IGSF21: variants seen among roughly 807,000 people sequenced by gnomAD.
The protein encoded by IGSF21 is immunoglobulin superfamily member 21.
A neutral mutation model predicts 46.8 loss-of-function variants in IGSF21; 28 were observed. The ratio of observed to expected loss-of-function variants is 0.60; its 90% CI spans 0.44 to 0.82. IGSF21 has a LOEUF of 0.82. Ranked by LOEUF, IGSF21 falls within the 40% of genes least tolerant of loss-of-function variation. The probability of loss-of-function intolerance (pLI) is 0.00; values close to 1 mark genes in which losing one functional copy is unlikely to be tolerated. For synonymous variants in IGSF21, 284 were observed against 273.6 expected, an observed-to-expected ratio of 1.04 and a Z score of -0.38; for missense variants, 624 against 665.5, an observed-to-expected ratio of 0.94 and a Z score of 0.69.
At chr1:18,183,570 A>C (rs2086876261) in intron 1 of IGSF21, among the ~76,000 whole-genome samples, 1 of 152,220 alleles carries the variant, frequency 6.6e-6, no homozygotes, top group African/African-American at 2.4e-5. Flanking sequence ...ATCATGAGAT[A>C]CGTAACAGCC....
chr1:18,340,773 G>T (rs114492918), intron 4 of IGSF21, among the ~76,000 whole-genome samples: 2 of 152,010 alleles, frequency 1.3e-5, no homozygotes, highest in African/African-American at 4.8e-5. Flanking sequence ...AATCCTTGGA[G>T]TTCCCTGGCT....
Position 18,378,383 on chromosome 1 carries a change from T to G in IGSF21, c.*57T>G, listed in dbSNP as rs140452725. 3.0e-3 allele frequency: 4,208 copies of G among 1,392,312 alleles called. 5 individuals carry two copies. Among genetic ancestry groups the G allele is most frequent in the Non-Finnish European group, 3.9e-3 (3,863 of 989,730 alleles). 86.2% of individuals were successfully genotyped at this position (1,392,312 alleles called of 1,614,324 possible). A position where few individuals can be genotyped will look rare whatever the true frequency, so the allele number is the denominator to read the frequency against. On this transcript the variant is annotated 3_prime_UTR_variant, in exon 10 of 10. Coordinates refer to ENST00000251296, the MANE Select transcript of IGSF21 (RefSeq NM_032880.5). ...TGACATCTCCACGACCGGTTTTCAT[T>G]TCTTTTCTAAACTATTTCCAGTCTT...
chr1:18,293,881 C>T (rs950919038), intron 3 of IGSF21, among the ~76,000 whole-genome samples: 1 of 152,148 alleles, frequency 6.6e-6, no homozygotes, highest in Non-Finnish European at 1.5e-5. Context: ...AACCCAGGGA[C>T]CATCTAGAAC....
At position 18,365,692 on chromosome 1, in the gene IGSF21, C is replaced by T. The variant is rs374130273; in HGVS notation, c.1010C>T (p.Thr337Met). The T allele has an allele frequency of 5.5e-5, 88 of 1,610,154 alleles. No homozygotes were observed. Among genetic ancestry groups the T allele is most frequent in the Non-Finnish European group, 6.6e-5 (78 of 1,177,400 alleles). The change falls in exon 6 of 10, where the codon ACG (threonine) becomes ATG (methionine). Residue 337 changes from threonine (T) to methionine (M), a missense_variant. Thr to Met is a moderately conservative substitution (Grantham distance 81). Coordinates refer to ENST00000251296, the MANE Select transcript of IGSF21 (RefSeq NM_032880.5). The surrounding 1 kb of genome is among the most constrained non-coding windows in gnomAD (Gnocchi z 4.8). The part of the protein sequence containing the change: ...ALSMPMQAEV[T>M]LVAPKGPKIV... Reference sequence around the variant, plus strand: ...TCGATGCCCATGCAGGCAGAGGTCACGCTGGGTAAGACTTGGTGGGGGCCC... The same window carrying T: ...TCGATGCCCATGCAGGCAGAGGTCATGCTGGGTAAGACTTGGTGGGGGCCC...
intron 1 of IGSF21, among the ~76,000 whole-genome samples, chr1:18,216,655 T>C (rs547466241): frequency 2.0e-5 from 3 of 152,222 alleles, no homozygotes; most frequent in African/African-American, 7.2e-5. Flanking sequence ...TAGAGACTGA[T>C]GACCTGTTAG....
intron 1 of IGSF21, among the ~76,000 whole-genome samples, chr1:18,206,525 G>A (rs559201929): frequency 6.6e-6 from 1 of 150,794 alleles, no homozygotes; most frequent in Admixed American, 6.6e-5. Context: ...TTCTGGCCTA[G>A]GTAATAGAGT....
chr1:18,250,710 ACT>A (rs1458952638), intron 2 of IGSF21, among the ~76,000 whole-genome samples: 1 of 152,046 alleles, frequency 6.6e-6, no homozygotes, highest in Non-Finnish European at 1.5e-5. Flanking sequence ...GGGGATAGTA[ACT>A]CTAAACTCAC....
intron 1 of IGSF21, among the ~76,000 whole-genome samples, chr1:18,119,476 T>A (rs1376831533): frequency 6.6e-6 from 1 of 152,246 alleles, no homozygotes; most frequent in Non-Finnish European, 1.5e-5. Context: ...ACAGTGCACT[T>A]CCAAAAGCTC....
At chr1:18,183,673 C>T (rs1162014371) in intron 1 of IGSF21, among the ~76,000 whole-genome samples, 2 of 152,168 alleles carry the variant, frequency 1.3e-5, no homozygotes, top group East Asian at 1.9e-4. Flanking sequence ...GGTCAGCTTG[C>T]GTGAGTTGGG....
At chr1:18,292,034 G>T in intron 3 of IGSF21, 47 bp downstream of exon 3, 1 of 1,579,416 alleles carries the variant, frequency 6.3e-7, no homozygotes, top group South Asian at 1.1e-5. Context: ...AGGGCGGAGG[G>T]ATGGGGAGTG....
chr1:18,222,574 C>T (rs575900672), intron 1 of IGSF21, among the ~76,000 whole-genome samples: 1 of 152,282 alleles, frequency 6.6e-6, no homozygotes, highest in East Asian at 1.9e-4. Flanking sequence ...ATTATTCCTG[C>T]ATCCACATTA....
At chr1:18,267,662 A>C (rs2085002771) in intron 2 of IGSF21, among the ~76,000 whole-genome samples, 1 of 152,232 alleles carries the variant, frequency 6.6e-6, no homozygotes, top group Non-Finnish European at 1.5e-5. Context: ...ACTTTCCCAG[A>C]CACTGAGCTC....
At chr1:18,254,453 A>G (rs769695497) in intron 2 of IGSF21, among the ~76,000 whole-genome samples, 10 of 145,368 alleles carry the variant, frequency 6.9e-5, no homozygotes, top group Non-Finnish European at 1.3e-4. Context: ...CCCTAGAGTT[A>G]GATTCAAAAA....
intron 2 of IGSF21, among the ~76,000 whole-genome samples, chr1:18,286,197 C>T (rs1410753150): frequency 1.3e-5 from 2 of 152,222 alleles, no homozygotes; most frequent in African/African-American, 4.8e-5. Flanking sequence ...GCGGTCAGCT[C>T]TGCTGTTTAC....
chr1:18,296,568 C>T (rs889017201), intron 3 of IGSF21, among the ~76,000 whole-genome samples: 1 of 152,178 alleles, frequency 6.6e-6, no homozygotes, highest in Non-Finnish European at 1.5e-5. Context: ...GAGAGGGAAC[C>T]TCTCACGTGA....
At chr1:18,208,502 C>A (rs2084356643) in intron 1 of IGSF21, among the ~76,000 whole-genome samples, 1 of 147,692 alleles carries the variant, frequency 6.8e-6, no homozygotes, top group South Asian at 2.2e-4. Flanking sequence ...CTGCCTCAGC[C>A]TCCCGAGCAG....
At chr1:18,307,790 A>T (rs2085441476) in intron 3 of IGSF21, among the ~76,000 whole-genome samples, 1 of 151,688 alleles carries the variant, frequency 6.6e-6, no homozygotes, top group African/African-American at 2.4e-5. Context: ...CACAATTCTG[A>T]CTCCTAAGCT....
chr1:18,256,155 T>C (rs2084890465), intron 2 of IGSF21, among the ~76,000 whole-genome samples: 1 of 152,108 alleles, frequency 6.6e-6, no homozygotes, highest in Non-Finnish European at 1.5e-5. Context: ...AGCCATGCCC[T>C]CCCTGACCTC....
intron 1 of IGSF21, chr1:18,113,346 A>C (rs1339458523): frequency 6.6e-6 from 1 of 152,164 alleles, no homozygotes; most frequent in Non-Finnish European, 1.5e-5. Flanking sequence ...ACCCCCGGCT[A>C]AGATTCCATG....
Sources: allele counts gnomAD v4.1 joint callset (sites outside exome capture counted in the v4.1 genomes callset), GRCh38; gene constraint gnomAD v4.1.1; non-coding constraint Gnocchi (gnomAD v3.1); transcripts MANE v1.5; gene names NCBI Gene and HGNC (gene_info 2026-07-23, HGNC 2026-07-21).